The following LOC128125817 variants were observed in gnomAD, a reference collection of about 807,000 sequenced individuals.
chr1:41,623,742 C>T, the LOC128125817 span, among the ~76,000 whole-genome samples: 2 of 152,222 alleles, frequency 1.3e-5, no homozygotes, highest in African/African-American at 2.4e-5. Flanking sequence ...AACCCCACGC[C>T]GGTCTCTCAC....
At chr1:41,597,253 A>C in the LOC128125817 span, among the ~76,000 whole-genome samples, 2 of 152,194 alleles carry the variant, frequency 1.3e-5, no homozygotes, top group African/African-American at 2.4e-5. Context: ...GATATCACCA[A>C]GGAGAATGAA....
the LOC128125817 span, among the ~76,000 whole-genome samples, chr1:41,618,197 T>C: frequency 0.99 from 151,486 of 152,350 alleles, 75,315 homozygotes; most frequent in Middle Eastern, 1. Context: ...CGCTGCGGGA[T>C]GGTGCCAGAG....
the LOC128125817 span, among the ~76,000 whole-genome samples, chr1:41,603,312 C>G: frequency 3.3e-5 from 5 of 151,414 alleles, no homozygotes; most frequent in African/African-American, 1.2e-4. Context: ...AGGTGATCCA[C>G]CCACCTCGGC....
the LOC128125817 span, among the ~76,000 whole-genome samples, chr1:41,612,174 C>T: frequency 6.6e-6 from 1 of 152,116 alleles, no homozygotes. Flanking sequence ...GCTGCCCGGT[C>T]CCCCATCTTC....
At chr1:41,585,410 A>G in the LOC128125817 span, 3 of 398,348 alleles carry the variant, frequency 7.5e-6, no homozygotes, top group Non-Finnish European at 1.3e-5. Flanking sequence ...GGCAGCCCAG[A>G]CTCGGTGCCA....
chr1:41,603,360 G>A, the LOC128125817 span, among the ~76,000 whole-genome samples: 2 of 151,450 alleles, frequency 1.3e-5, no homozygotes, highest in East Asian at 3.9e-4. Flanking sequence ...GAGCCACCGT[G>A]CCTGGCCTAT....
the LOC128125817 span, chr1:41,628,640 C>G: frequency 3.4e-6 from 3 of 879,732 alleles, no homozygotes; most frequent in African/African-American, 5.2e-5. Context: ...AACGATAACA[C>G]TAATAATAAC....
At chr1:41,608,523 A>G in the LOC128125817 span, among the ~76,000 whole-genome samples, 2 of 152,176 alleles carry the variant, frequency 1.3e-5, no homozygotes, top group African/African-American at 2.4e-5. Flanking sequence ...GCTCTTCTGA[A>G]GGGCTCTCAG....
At chr1:41,599,229 G>A in the LOC128125817 span, among the ~76,000 whole-genome samples, 20 of 152,144 alleles carry the variant, frequency 1.3e-4, no homozygotes, top group Non-Finnish European at 4.4e-5. Context: ...CTTGACCCCC[G>A]ATATCATACC....
chr1:41,597,572 A>C, the LOC128125817 span, among the ~76,000 whole-genome samples: 2 of 152,190 alleles, frequency 1.3e-5, no homozygotes, highest in African/African-American at 2.4e-5. Context: ...ACTGAGGCCC[A>C]AAATCACAAA....
At chr1:41,611,188 G>A in the LOC128125817 span, among the ~76,000 whole-genome samples, 2 of 152,224 alleles carry the variant, frequency 1.3e-5, no homozygotes, top group Non-Finnish European at 2.9e-5. Context: ...GTGAATGGAT[G>A]AATAAACAAA....
chr1:41,620,890 G>A, the LOC128125817 span, among the ~76,000 whole-genome samples: 4 of 152,286 alleles, frequency 2.6e-5, no homozygotes, highest in East Asian at 1.9e-4. Context: ...GCTGGGTACC[G>A]GAGGCATTTG....
At chr1:41,589,929 A>G in the LOC128125817 span, among the ~76,000 whole-genome samples, 1 of 152,260 alleles carries the variant, frequency 6.6e-6, no homozygotes, top group Non-Finnish European at 1.5e-5. Context: ...TAACTTTAAT[A>G]CCTGGGAACC....
the LOC128125817 span, among the ~76,000 whole-genome samples, chr1:41,589,694 G>A: frequency 6.6e-6 from 1 of 152,146 alleles, no homozygotes; most frequent in Admixed American, 6.5e-5. Context: ...GGGGTCCCCG[G>A]TCAAAGTTAG....
the LOC128125817 span, among the ~76,000 whole-genome samples, chr1:41,589,046 A>C: frequency 2.0e-5 from 3 of 152,246 alleles, no homozygotes; most frequent in African/African-American, 7.2e-5. Context: ...ACCAACAGAC[A>C]CTAAGAAAAT....
the LOC128125817 span, among the ~76,000 whole-genome samples, chr1:41,620,252 G>C: frequency 6.6e-6 from 1 of 152,172 alleles, no homozygotes; most frequent in Admixed American, 6.5e-5. Flanking sequence ...AGCTACGCTG[G>C]CCAGGAGCAC....
At chr1:41,624,982 G>A in the LOC128125817 span, among the ~76,000 whole-genome samples, 1 of 151,980 alleles carries the variant, frequency 6.6e-6, no homozygotes, top group Non-Finnish European at 1.5e-5. Context: ...TGGCTGACAT[G>A]GTGAAACCCC....
At chr1:41,588,440 T>TC in the LOC128125817 span, among the ~76,000 whole-genome samples, 1 of 152,076 alleles carries the variant, frequency 6.6e-6, no homozygotes, top group Non-Finnish European at 1.5e-5. Flanking sequence ...TCCTGCCTTC[T>TC]CCCCTCACTG....
chr1:41,618,039 C>A, the LOC128125817 span, among the ~76,000 whole-genome samples: 1 of 152,162 alleles, frequency 6.6e-6, no homozygotes, highest in Admixed American at 6.5e-5. Flanking sequence ...TTCCTAGGAA[C>A]CATCTTACTA....
Sources: gnomAD v4.1 joint callset for allele counts (sites outside exome capture counted in the v4.1 genomes callset) on GRCh38, gnomAD v4.1.1 for gene constraint, MANE v1.5 for transcripts.